The following C18orf63 variants were observed in gnomAD, a reference collection of about 807,000 sequenced individuals.
The protein encoded by C18orf63 is uncharacterized protein C18orf63.
In C18orf63, 50 loss-of-function variants were observed where a neutral mutation model predicts 75.3. The ratio of observed to expected loss-of-function variants is 0.66; its 90% CI spans 0.53 to 0.84. The LOEUF is 0.84. Ranked by LOEUF, C18orf63 falls within the 40% of genes least tolerant of loss-of-function variation. C18orf63 has a pLI of 0.00. For missense variants in C18orf63, 732 were observed against 800.2 expected, an observed-to-expected ratio of 0.91 and a Z score of 1.03; for synonymous variants, 232 against 267.6, an observed-to-expected ratio of 0.87 and a Z score of 1.30.
chr18:74,320,384 C>T (rs1488077235), intron 2 of C18orf63, 129 bp from the exon 3 acceptor site: 10 of 543,348 alleles, frequency 1.8e-5, no homozygotes, highest in Non-Finnish European at 3.2e-5. Flanking sequence ...GGAAATCCGC[C>T]GCCATGAGCC....
At chr18:74,352,406 A>G (rs909742071) in intron 11 of C18orf63, among the ~76,000 whole-genome samples, 4 of 152,230 alleles carry the variant, frequency 2.6e-5, no homozygotes, top group Non-Finnish European at 5.9e-5. Flanking sequence ...GGTAAATTTT[A>G]TATTATTTAT....
chr18:74,353,214 T>TA, intron 11 of C18orf63, 32 bp from the exon 12 acceptor site: 2 of 1,384,818 alleles, frequency 1.4e-6, no homozygotes, highest in Non-Finnish European at 1.9e-6. Context: ...TATTAACATT[T>TA]TAAATTTTTT....
chr18:74,328,995 GA>G lies in C18orf63; in HGVS notation c.385del (p.Arg129GlufsTer15). 1 of 1,489,430 alleles carries G rather than the reference GA, an allele frequency of 6.7e-7. No individual in the cohort carries two copies. The highest frequency in any genetic ancestry group is 9.1e-7 in the Non-Finnish European group (1 of 1,104,612). The allele number at this position is 1,489,430 out of a possible 1,614,324, so 92.3% of individuals were successfully genotyped here. ...WNRTGHLLIQ[G>X]RDFLSQMGKQ... ...TGGCATATTCTATGAATTTTTTAAG[GA>G]AGAGATTTTCTTTCTCAGATGGGAA... is the stretch of plus-strand genomic sequence containing the variant. On this transcript the variant is annotated frameshift_variant and splice_region_variant, in exon 6 of 14. Transcript: ENST00000579455. LOFTEE classifies it high-confidence loss of function.
rs1984800392 is a variant in C18orf63, at chr18:74,358,080, T to G, written c.*1633T>G. 1 of 152,200 alleles carries G rather than the reference T, an allele frequency of 6.6e-6. No individual in the cohort carries two copies. The highest frequency in any genetic ancestry group is 1.5e-5 in the Non-Finnish European group (1 of 68,036). 9.4% of individuals were successfully genotyped at this position (152,200 alleles called of 1,614,324 possible). A position where few individuals can be genotyped will look rare whatever the true frequency, so the allele number is the denominator to read the frequency against. ...TACTGCCCAGTCACTATGCCTCAGG[T>G]AATGGACACTTACTTTATTATTACA... On this transcript the variant is annotated 3_prime_UTR_variant, in exon 14 of 14. Coordinates refer to ENST00000579455, the MANE Select transcript of C18orf63 (RefSeq NM_001174123.2).
At chr18:74,335,629 T>C (rs1984378942) in intron 7 of C18orf63, among the ~76,000 whole-genome samples, 1 of 152,160 alleles carries the variant, frequency 6.6e-6, no homozygotes, top group Non-Finnish European at 1.5e-5. Context: ...AATATTAAAC[T>C]GTTTGCTTTG....
chr18:74,320,623 T>A, intron 3 of C18orf63, 32 bp downstream of exon 3: 1 of 1,289,600 alleles, frequency 7.8e-7, no homozygotes, highest in Non-Finnish European at 1.1e-6. Context: ...GAAATGTTAT[T>A]ACTAGTTGAG....
In C18orf63 at chr18:74,331,861, C is replaced by T. The variant is rs1984313167; in HGVS notation, c.501+919C>T. Among the ~76,000 whole-genome samples, 3 of 152,176 alleles carry T rather than the reference C, an allele frequency of 2.0e-5. No individual in the cohort carries two copies. In the South Asian group the frequency reaches 6.2e-4, roughly 32 times the overall value. On this transcript the variant is annotated intron_variant, in intron 7 of 13. Coordinates refer to ENST00000579455, the MANE Select transcript of C18orf63 (RefSeq NM_001174123.2). Reference sequence around the variant, plus strand: ...TTATTTCCATTTAATTCTTTGATTACCTCTTATGTGGATAAGTAACAAAGG... The same window carrying T: ...TTATTTCCATTTAATTCTTTGATTATCTCTTATGTGGATAAGTAACAAAGG...
chr18:74,316,196 CG>C (rs1248055743), intron 1 of C18orf63, 87 bp downstream of exon 1: 1 of 152,074 alleles, frequency 6.6e-6, no homozygotes, highest in East Asian at 1.9e-4. Flanking sequence ...GTGCCGGCGC[CG>C]GCACCCTGAG....
chr18:74,349,988 A>AT (rs1984639526), intron 11 of C18orf63, among the ~76,000 whole-genome samples: 1 of 152,302 alleles, frequency 6.6e-6, no homozygotes, highest in African/African-American at 2.4e-5. Context: ...TTTAGTCTGT[A>AT]TAGGAGCACA....
chr18:74,328,111 A>G (rs1015349614), intron 5 of C18orf63, 53 bp downstream of exon 5: 11 of 1,019,952 alleles, frequency 1.1e-5, no homozygotes, highest in Admixed American at 8.0e-5. Flanking sequence ...TACGTCTGTT[A>G]TGTGTGTATT....
intron 8 of C18orf63, among the ~76,000 whole-genome samples, chr18:74,341,369 A>G (rs916843115): frequency 2.0e-5 from 3 of 149,490 alleles, no homozygotes; most frequent in African/African-American, 7.4e-5. Flanking sequence ...AATCGCAATT[A>G]CTTTTTTTAC....
intron 5 of C18orf63, 95 bp downstream of exon 5, chr18:74,328,153 C>A: frequency 1.4e-6 from 1 of 712,330 alleles, no homozygotes; most frequent in South Asian, 1.9e-5. Flanking sequence ...TAAAGACATA[C>A]TGGAGACTGG....
intron 4 of C18orf63, among the ~76,000 whole-genome samples, chr18:74,326,601 C>T (rs1005657952): frequency 1.3e-5 from 2 of 152,200 alleles, no homozygotes; most frequent in Non-Finnish European, 2.9e-5. Context: ...TCCTAGGTTC[C>T]CCTGCTCTGT....
intron 11 of C18orf63, among the ~76,000 whole-genome samples, chr18:74,347,618 G>GA: frequency 6.6e-6 from 1 of 152,246 alleles, no homozygotes; most frequent in East Asian, 1.9e-4. Flanking sequence ...ATAACACATA[G>GA]AAAAGTTTCT....
chr18:74,330,272 T>G (rs1984282998), intron 6 of C18orf63, among the ~76,000 whole-genome samples: 1 of 152,314 alleles, frequency 6.6e-6, no homozygotes, highest in East Asian at 1.9e-4. Flanking sequence ...TTGTAACCAT[T>G]TCTCAGATCA....
chr18:74,353,615 AC>A lies in C18orf63; in HGVS notation c.1350del (p.Ser451GlnfsTer13). On this transcript the variant is annotated frameshift_variant, in exon 12 of 14. Coordinates refer to ENST00000579455, the MANE Select transcript of C18orf63 (RefSeq NM_001174123.2). LOFTEE classifies it high-confidence loss of function. ...TAGATTGTTACAAATGAACAAAAAT[AC>A]CTCAGTACTTGGCAGCCCAAAAAGA... ...KNRLLQMNKN[T>X]SVLGSPKRKQ... 6.5e-7 allele frequency: 1 copy of A among 1,536,262 alleles called. No individual in the cohort carries two copies. The highest frequency in any genetic ancestry group is 8.7e-7 in the Non-Finnish European group (1 of 1,146,916).
intron 4 of C18orf63, among the ~76,000 whole-genome samples, chr18:74,323,032 A>G (rs1369859210): frequency 6.6e-6 from 1 of 152,238 alleles, no homozygotes; most frequent in African/African-American, 2.4e-5. Flanking sequence ...CGTCATTTTC[A>G]CAGATAAACC....
chr18:74,350,724 G>T (rs1200755579), intron 11 of C18orf63, among the ~76,000 whole-genome samples: 1 of 152,158 alleles, frequency 6.6e-6, no homozygotes, highest in African/African-American at 2.4e-5. Flanking sequence ...TTCTTCCTTG[G>T]TTAACTTCTG....
In C18orf63 at chr18:74,356,769, C is replaced by G. The variant is rs1230039640; in HGVS notation, c.*322C>G. ...CAGTAGTTTTGATAGTTGAAAATATCTTTATTTTGCCCTTATTGAAATTAT... is the reference window on the plus strand; with the variant it reads ...CAGTAGTTTTGATAGTTGAAAATATGTTTATTTTGCCCTTATTGAAATTAT... On this transcript the variant is annotated 3_prime_UTR_variant, in exon 14 of 14. Transcript: ENST00000579455. 6.6e-6 allele frequency: 1 copy of G among 152,096 alleles called. No individual in the cohort carries two copies. The highest frequency in any genetic ancestry group is 1.5e-5 in the Non-Finnish European group (1 of 67,998). 9.4% of individuals were successfully genotyped at this position (152,096 alleles called of 1,614,324 possible). A position where few individuals can be genotyped will look rare whatever the true frequency, so the allele number is the denominator to read the frequency against.
Sources: gnomAD v4.1 joint callset for allele counts (sites outside exome capture counted in the v4.1 genomes callset) on GRCh38, gnomAD v4.1.1 for gene constraint, MANE v1.5 for transcripts, NCBI Gene and HGNC (gene_info 2026-07-23, HGNC 2026-07-21) for gene names.